Variants in SUCLG2 observed in about 807,000 individuals in gnomAD.
The protein encoded by SUCLG2 is succinate--CoA ligase [GDP-forming] subunit beta, mitochondrial.
Under a neutral mutation model 47.9 loss-of-function variants are expected in SUCLG2, and 42 were observed. That is an observed-to-expected ratio of 0.88 (90% CI 0.69 to 1.14). The LOEUF is 1.14. SUCLG2 is among the 50% of genes most tolerant of loss of function. SUCLG2 has a pLI of 0.00. For missense variants in SUCLG2, 571 were observed against 525.9 expected (o/e 1.09, Z -0.84); for synonymous variants, 195 against 197.3 (o/e 0.99, Z 0.10).
chr3:67,565,787 G>A lies in SUCLG2; in HGVS notation c.227-36601C>T, dbSNP rs115604747. On this transcript the variant is annotated intron_variant, in intron 2 of 10. Transcript: ENST00000307227. ...ACTCTCACTAGCGCCTAGCACCTTGGAGCCTCTCCACAATGGTCTACTAAA... is the reference window on the plus strand; with the variant it reads ...ACTCTCACTAGCGCCTAGCACCTTGAAGCCTCTCCACAATGGTCTACTAAA... Among the ~76,000 whole-genome samples the A allele has an allele frequency of 1.5e-3, 226 of 152,288 alleles. 2 individuals are homozygous for A. Among genetic ancestry groups the A allele is most frequent in the African/African-American group, 5.1e-3 (211 of 41,552 alleles).
intron 2 of SUCLG2, among the ~76,000 whole-genome samples, chr3:67,568,116 A>G (rs1466847501): frequency 6.6e-6 from 1 of 152,232 alleles, no homozygotes; most frequent in African/African-American, 2.4e-5. Context: ...CTGTGGTATT[A>G]GAGTCACTGA....
chr3:67,385,444 C>T (rs993503414), intron 10 of SUCLG2, among the ~76,000 whole-genome samples: 1 of 152,214 alleles, frequency 6.6e-6, no homozygotes, highest in Non-Finnish European at 1.5e-5. Context: ...CCCTCCTGTT[C>T]TCTTTGCCTA....
chr3:67,401,176 A>G (rs1436998414), intron 9 of SUCLG2, among the ~76,000 whole-genome samples: 1 of 152,162 alleles, frequency 6.6e-6, no homozygotes, highest in Non-Finnish European at 1.5e-5. Flanking sequence ...TTTTATGAGT[A>G]GTATCATTTA....
chr3:67,448,268 AT>A (rs1703975007), intron 9 of SUCLG2, among the ~76,000 whole-genome samples: 1 of 152,226 alleles, frequency 6.6e-6, no homozygotes, highest in Non-Finnish European at 1.5e-5. Flanking sequence ...AAATAGTTTC[AT>A]TTGTATTAAC....
intron 9 of SUCLG2, among the ~76,000 whole-genome samples, chr3:67,484,868 G>C (rs572895148): frequency 6.6e-6 from 1 of 152,294 alleles, no homozygotes; most frequent in South Asian, 2.1e-4. Flanking sequence ...AAGACAGAAA[G>C]TTTGGTGGGA....
intron 2 of SUCLG2, among the ~76,000 whole-genome samples, chr3:67,534,986 A>G (rs1706501866): frequency 6.6e-6 from 1 of 152,138 alleles, no homozygotes; most frequent in South Asian, 2.1e-4. Flanking sequence ...CTGATTAATT[A>G]CAGGACAAAG....
chr3:67,418,565 T>G (rs538892054), intron 9 of SUCLG2, among the ~76,000 whole-genome samples: 2 of 152,204 alleles, frequency 1.3e-5, no homozygotes, highest in African/African-American at 4.8e-5. Context: ...ACAAAATCTA[T>G]GACAAATCCA....
chr3:67,528,780 G>A (rs1706322427), intron 3 of SUCLG2, among the ~76,000 whole-genome samples: 1 of 152,170 alleles, frequency 6.6e-6, no homozygotes, highest in Admixed American at 6.5e-5. Flanking sequence ...TTGAATAGAG[G>A]AGTGACATTA....
chr3:67,397,588 T>C (rs1343599834), intron 10 of SUCLG2, among the ~76,000 whole-genome samples: 1 of 151,940 alleles, frequency 6.6e-6, no homozygotes, highest in African/African-American at 2.4e-5. Flanking sequence ...AAAATGGCCA[T>C]ACTGCCCAAG....
chr3:67,635,144 G>A (rs1392272594), intron 1 of SUCLG2, among the ~76,000 whole-genome samples: 1 of 152,174 alleles, frequency 6.6e-6, no homozygotes, highest in East Asian at 1.9e-4. Context: ...ACAACATGAA[G>A]TGACCTAGGA....
At chr3:67,600,348 A>C (rs1708391333) in intron 2 of SUCLG2, among the ~76,000 whole-genome samples, 1 of 152,224 alleles carries the variant, frequency 6.6e-6, no homozygotes, top group East Asian at 1.9e-4. Context: ...AAAAAAGAAG[A>C]AAAAAAGAAA....
exon 11 of SUCLG2, chr3:67,360,641 A>G (rs1575649042): frequency 1.3e-6 from 2 of 1,508,818 alleles, no homozygotes; most frequent in Non-Finnish European, 1.8e-6. Flanking sequence ...AACATAAAAA[A>G]ATGCTGATGG....
intron 9 of SUCLG2, among the ~76,000 whole-genome samples, chr3:67,454,026 A>C (rs892621602): frequency 7.2e-5 from 11 of 152,216 alleles, no homozygotes; most frequent in African/African-American, 2.7e-4. Context: ...CTTTTCAAGA[A>C]AATTAGAAGT....
chr3:67,400,871 G>C lies in SUCLG2; in HGVS notation c.1063-20C>G. On this transcript the variant is annotated intron_variant, in intron 9 of 10. Transcript: ENST00000307227. Reference sequence around the variant, plus strand: ...TTCAACCTGAAATCAAAAATAAAAAGTTACCAATCAAAATGCTGATCGCCA... The same window carrying C: ...TTCAACCTGAAATCAAAAATAAAAACTTACCAATCAAAATGCTGATCGCCA... 1 of 1,611,508 alleles carries C rather than the reference G, an allele frequency of 6.2e-7. No homozygotes were observed. The highest frequency in any genetic ancestry group is 1.3e-5 in the African/African-American group (1 of 74,872).
intron 9 of SUCLG2, among the ~76,000 whole-genome samples, chr3:67,476,615 C>G (rs1280412952): frequency 6.6e-6 from 1 of 152,122 alleles, no homozygotes; most frequent in Admixed American, 6.5e-5. Flanking sequence ...CCTCTTCCCC[C>G]GCAACCCTGC....
chr3:67,506,355 T>C (rs1268882449), intron 7 of SUCLG2, among the ~76,000 whole-genome samples: 2 of 152,218 alleles, frequency 1.3e-5, no homozygotes, highest in Non-Finnish European at 2.9e-5. Context: ...GTGATTATAA[T>C]TCAATTGCTG....
chr3:67,631,352 G>T (rs940019222), intron 1 of SUCLG2, among the ~76,000 whole-genome samples: 1 of 152,170 alleles, frequency 6.6e-6, no homozygotes, highest in Non-Finnish European at 1.5e-5. Flanking sequence ...CTATGGCCGG[G>T]TGTGAGGGCT....
At chr3:67,649,596 CCT>C (rs1017288562) in intron 1 of SUCLG2, among the ~76,000 whole-genome samples, 55 of 152,174 alleles carry the variant, frequency 3.6e-4, no homozygotes, top group African/African-American at 1.2e-3. Flanking sequence ...CTACTCTCCC[CCT>C]GTTCTCTCAC....
intron 2 of SUCLG2, among the ~76,000 whole-genome samples, chr3:67,534,236 A>G (rs966434032): frequency 6.6e-6 from 1 of 152,110 alleles, no homozygotes; most frequent in Non-Finnish European, 1.5e-5. Flanking sequence ...ATGATTCCCT[A>G]TTATGAAAAA....
Sources: allele counts gnomAD v4.1 joint callset (sites outside exome capture counted in the v4.1 genomes callset), GRCh38; gene constraint gnomAD v4.1.1; transcripts MANE v1.5; gene names NCBI Gene and HGNC (gene_info 2026-07-23, HGNC 2026-07-21).